GPHN: variants seen among roughly 807,000 people sequenced by gnomAD.
GPHN encodes gephyrin.
GPHN carries 17 observed loss-of-function variants against 95.5 expected under a neutral mutation model. The ratio of observed to expected loss-of-function variants is 0.18; its 90% CI spans 0.12 to 0.27. The LOEUF (loss-of-function observed/expected upper bound fraction) is 0.27. GPHN is among the 10% of genes least tolerant of loss of function. GPHN has a pLI of 1.00. For synonymous variants in GPHN, 320 were observed against 322.5 expected, an observed-to-expected ratio of 0.99 and a Z score of 0.08; for missense variants, 660 against 978.1, an observed-to-expected ratio of 0.67 and a Z score of 4.34.
the GPHN span, chr14:67,569,277 G>T: frequency 8.2e-7 from 1 of 1,223,852 alleles, no homozygotes; most frequent in South Asian, 1.2e-5. Flanking sequence ...TGGGCAAGCG[G>T]GGAGGAGAAG....
At chr14:66,567,298 G>A (rs1403638456) in intron 1 of GPHN, among the ~76,000 whole-genome samples, 2 of 152,148 alleles carry the variant, frequency 1.3e-5, no homozygotes, top group Admixed American at 6.6e-5. Flanking sequence ...TTGGATGGTG[G>A]CGTAGTTTTG....
chr14:67,599,984 C>T, the GPHN span: 18 of 1,514,410 alleles, frequency 1.2e-5, no homozygotes, highest in Non-Finnish European at 1.6e-5. Context: ...AAAGCCGAAC[C>T]CCCTCCTTCG....
rs576964863 is a variant in GPHN, at chr14:67,016,633, C to A, written c.964-7000C>A. Among the ~76,000 whole-genome samples, 5 of 152,174 alleles carry A rather than the reference C, an allele frequency of 3.3e-5. 1 individual carries two copies. The highest frequency in any genetic ancestry group is 1.2e-4 in the African/African-American group (5 of 41,548). Reference sequence around the variant, plus strand: ...CTGAGTTAAAACCCCTAGAAACATCCATATTTTGCAAATAAGAAAACCAAG... The same window carrying A: ...CTGAGTTAAAACCCCTAGAAACATCAATATTTTGCAAATAAGAAAACCAAG... On this transcript the variant is annotated intron_variant, in intron 9 of 22. Coordinates refer to ENST00000478722, the MANE Select transcript of GPHN (RefSeq NM_020806.5).
chr14:67,557,698 A>T, the GPHN span, among the ~76,000 whole-genome samples: 1 of 152,246 alleles, frequency 6.6e-6, no homozygotes, highest in African/African-American at 2.4e-5. Flanking sequence ...ACAGTGGGCA[A>T]AGTGTTTAAG....
chr14:67,693,862 G>C, the GPHN span, among the ~76,000 whole-genome samples: 5 of 152,074 alleles, frequency 3.3e-5, no homozygotes, highest in African/African-American at 1.2e-4. Flanking sequence ...CGCTGGCCAG[G>C]ATGGTCTCGA....
the GPHN span, chr14:67,382,267 A>C: frequency 2.1e-6 from 1 of 468,310 alleles, no homozygotes; most frequent in Non-Finnish European, 3.7e-6. Context: ...TGCTACATTA[A>C]CAAATCACCC....
At chr14:66,996,212 A>G (rs957930808) in intron 9 of GPHN, 3 of 1,529,114 alleles carry the variant, frequency 2.0e-6, no homozygotes, top group East Asian at 2.4e-5. Context: ...CCTATAGTGT[A>G]TCTGAGGTAT....
At chr14:67,617,743 A>G in the GPHN span, among the ~76,000 whole-genome samples, 2 of 152,116 alleles carry the variant, frequency 1.3e-5, no homozygotes, top group Non-Finnish European at 2.9e-5. Context: ...TTTTTGAGAC[A>G]GAGTTTTGCT....
chr14:67,369,199 C>T, the GPHN span, among the ~76,000 whole-genome samples: 2 of 152,118 alleles, frequency 1.3e-5, no homozygotes, highest in Non-Finnish European at 2.9e-5. Context: ...GCTATGCAGA[C>T]AATACCTTAA....
chr14:67,671,251 C>T, the GPHN span, among the ~76,000 whole-genome samples: 4 of 152,068 alleles, frequency 2.6e-5, no homozygotes, highest in African/African-American at 4.8e-5. Context: ...TGTGGTTGGG[C>T]GCAGTGGCTC....
chr14:67,578,545 C>T, the GPHN span: 10 of 1,609,674 alleles, frequency 6.2e-6, no homozygotes, highest in Non-Finnish European at 7.6e-6. This position sits in a 1 kb window ranked among gnomAD's most constrained non-coding sequence, Gnocchi z 5.0. Flanking sequence ...GCTGGCAGCT[C>T]CTCGCTCTGT....
the GPHN span, chr14:67,646,712 T>A: frequency 1.2e-6 from 2 of 1,613,736 alleles, no homozygotes; most frequent in African/African-American, 1.3e-5. Context: ...TGTATATTGG[T>A]CTGAGAGACG....
At chr14:67,396,749 A>T in the GPHN span, among the ~76,000 whole-genome samples, 8 of 152,316 alleles carry the variant, frequency 5.3e-5, no homozygotes, top group Non-Finnish European at 1.0e-4. Flanking sequence ...CTCTTCAGGG[A>T]TAAAGGGTTT....
chr14:66,796,010 A>T (rs930924585), intron 3 of GPHN, among the ~76,000 whole-genome samples: 1 of 152,058 alleles, frequency 6.6e-6, no homozygotes, highest in African/African-American at 2.4e-5. Flanking sequence ...GCCTCTGGTA[A>T]CCATCTTTTT....
chr14:66,875,487 T>C (rs960377413), intron 4 of GPHN, among the ~76,000 whole-genome samples: 1 of 151,960 alleles, frequency 6.6e-6, no homozygotes, highest in South Asian at 2.1e-4. Flanking sequence ...TCAAGACCCA[T>C]TGATGTGCTG....
chr14:67,132,389 T>A (rs1402455453), intron 17 of GPHN, among the ~76,000 whole-genome samples: 3 of 152,204 alleles, frequency 2.0e-5, no homozygotes, highest in African/African-American at 7.2e-5. Flanking sequence ...CTATCTGCTC[T>A]CCTTATGGCA....
the GPHN span, among the ~76,000 whole-genome samples, chr14:67,618,018 G>A: frequency 2.0e-5 from 3 of 151,996 alleles, no homozygotes; most frequent in Admixed American, 6.6e-5. Flanking sequence ...CGCGCCCAGC[G>A]GAAGCAAGAG....
chr14:66,624,188 G>A (rs1238971934), intron 1 of GPHN, among the ~76,000 whole-genome samples: 1 of 152,124 alleles, frequency 6.6e-6, no homozygotes, highest in Non-Finnish European at 1.5e-5. Context: ...ATAATTTCTG[G>A]AAACATGTTT....
chr14:66,877,239 AAAT>A (rs1487594069), intron 4 of GPHN, among the ~76,000 whole-genome samples: 1 of 152,192 alleles, frequency 6.6e-6, no homozygotes, highest in Non-Finnish European at 1.5e-5. Flanking sequence ...ACGTATCTCA[AAAT>A]AATAAGAGCT....
Sources: allele counts gnomAD v4.1 joint callset (sites outside exome capture counted in the v4.1 genomes callset), GRCh38; gene constraint gnomAD v4.1.1; non-coding constraint Gnocchi (gnomAD v3.1); transcripts MANE v1.5; gene names NCBI Gene and HGNC (gene_info 2026-07-23, HGNC 2026-07-21).